Variants in SLCO4C1 observed in about 807,000 individuals in gnomAD.
SLCO4C1 encodes the protein solute carrier organic anion transporter family member 4C1, also known as organic anion transporter M1.
SLCO4C1 carries 58 observed loss-of-function variants against 72.1 expected under a neutral mutation model. The ratio of observed to expected loss-of-function variants is 0.80; its 90% CI spans 0.65 to 1.00. The LOEUF is 1.00. SLCO4C1 is among the 50% of genes least tolerant of loss of function. The pLI is 0.00. For synonymous variants in SLCO4C1, 297 were observed against 312.5 expected, an observed-to-expected ratio of 0.95 and a Z score of 0.52; for missense variants, 898 against 857.9, an observed-to-expected ratio of 1.05 and a Z score of -0.58.
At chr5:102,263,818 T>C in intron 3 of SLCO4C1, 38 bp from the exon 4 acceptor site, 1 of 1,486,344 alleles carries the variant, frequency 6.7e-7, no homozygotes, top group Middle Eastern at 1.7e-4. Context: ...CAGTCATATG[T>C]ACAACTTCAC....
chr5:102,295,927 G>A lies in SLCO4C1; in HGVS notation c.336C>T (p.Cys112=), dbSNP rs756897715. The change falls in exon 1 of 13, where the codon TGC becomes TGT. Residue 112 remains cysteine (C), a synonymous_variant. Transcript: ENST00000310954. ...NTPGGFLLHY[C]LLAVTQGIVV... ...CTTTACCTTGCGTGACGGCCAAGAGGCAGTAGTGAAGCAGAAAGCCTCCAG... is the reference window on the plus strand; with the variant it reads ...CTTTACCTTGCGTGACGGCCAAGAGACAGTAGTGAAGCAGAAAGCCTCCAG... 1.2e-5 allele frequency: 19 copies of A among 1,613,860 alleles called. No homozygotes were observed. The South Asian group carries it at 1.8e-4, about 15-fold the overall frequency.
In SLCO4C1 at chr5:102,252,853, A is replaced by G. The variant is rs148019276; in HGVS notation, c.1470-3065T>C. 2.9e-3 allele frequency among the ~76,000 whole-genome samples: 434 copies of G among 152,276 alleles called. 3 individuals carry two copies. Among genetic ancestry groups the G allele is most frequent in the African/African-American group, 9.8e-3 (409 of 41,586 alleles). ...TATTAAATTTTCTTAGTGTATACAT[A>G]TTTAAAAATATTAAAATATCCTATT... is the stretch of plus-strand genomic sequence containing the variant. On this transcript the variant is annotated intron_variant, in intron 8 of 12. Coordinates refer to ENST00000310954, the MANE Select transcript of SLCO4C1 (RefSeq NM_180991.5).
chr5:102,288,611 A>G (rs1034665181), intron 2 of SLCO4C1, among the ~76,000 whole-genome samples: 2 of 152,168 alleles, frequency 1.3e-5, no homozygotes, highest in Non-Finnish European at 2.9e-5. Context: ...TTTCAAGCAC[A>G]ATCTAAATGC....
chr5:102,291,244 C>A, intron 2 of SLCO4C1, 99 bp downstream of exon 2: 1 of 1,275,790 alleles, frequency 7.8e-7, no homozygotes, highest in Non-Finnish European at 1.1e-6. Flanking sequence ...AGATGTAAAC[C>A]CTTACCATAC....
At position 102,247,241 on chromosome 5, in the gene SLCO4C1, G is replaced by T. The variant is rs376009873; in HGVS notation, c.1811+11C>A. 50 of 1,471,038 alleles carry T rather than the reference G, an allele frequency of 3.4e-5. No individual in the cohort carries two copies. The highest frequency in any genetic ancestry group is 4.3e-5 in the Non-Finnish European group (47 of 1,099,504). 91.1% of individuals were successfully genotyped at this position (1,471,038 alleles called of 1,614,324 possible). On this transcript the variant is annotated intron_variant, in intron 10 of 12. Coordinates refer to ENST00000310954, the MANE Select transcript of SLCO4C1 (RefSeq NM_180991.5). ...CCTTAGGGAATGAAAATTTCTCAAC[G>T]TGCTACATACCTTAGGATAGACACA...
chr5:102,278,573 A>T (rs1396684938), intron 2 of SLCO4C1, among the ~76,000 whole-genome samples: 1 of 152,226 alleles, frequency 6.6e-6, no homozygotes, highest in Non-Finnish European at 1.5e-5. Flanking sequence ...GCCAAGGCAG[A>T]TCACATCCTG....
chr5:102,280,338 C>T (rs1332191028), intron 2 of SLCO4C1, among the ~76,000 whole-genome samples: 3 of 151,570 alleles, frequency 2.0e-5, no homozygotes, highest in Non-Finnish European at 4.4e-5. Context: ...ATTTAAAATA[C>T]AGTACTATTT....
chr5:102,278,740 T>C (rs1285414001), intron 2 of SLCO4C1, among the ~76,000 whole-genome samples: 1 of 151,908 alleles, frequency 6.6e-6, no homozygotes, highest in East Asian at 1.9e-4. Flanking sequence ...CACTTTCAAA[T>C]AATCTATGGG....
intron 2 of SLCO4C1, among the ~76,000 whole-genome samples, chr5:102,283,490 C>T (rs1427941761): frequency 3.3e-5 from 5 of 151,104 alleles, no homozygotes; most frequent in Admixed American, 3.3e-4. Flanking sequence ...TTAAAACACA[C>T]ACTGGCAAAT....
chr5:102,239,392 A>G lies in SLCO4C1; in HGVS notation c.1877-4T>C, dbSNP rs1283883380. On this transcript the variant is annotated splice_polypyrimidine_tract_variant and splice_region_variant and intron_variant, in intron 11 of 12. Coordinates refer to ENST00000310954, the MANE Select transcript of SLCO4C1 (RefSeq NM_180991.5). ...ATAATTGGTCCAGGAATTGTCCCTAAAAGAATTATGGGTGAAATATACAAC... is the reference window on the plus strand; with the variant it reads ...ATAATTGGTCCAGGAATTGTCCCTAGAAGAATTATGGGTGAAATATACAAC... 7.7e-6 allele frequency: 12 copies of G among 1,560,660 alleles called. No homozygotes were observed. Among genetic ancestry groups the G allele is most frequent in the Non-Finnish European group, 1.0e-5 (12 of 1,155,032 alleles).
intron 8 of SLCO4C1, among the ~76,000 whole-genome samples, chr5:102,254,188 G>A (rs2112351594): frequency 6.6e-6 from 1 of 152,224 alleles, no homozygotes; most frequent in East Asian, 1.9e-4. Context: ...TATTTCTTGA[G>A]CTTCTTAGTC....
chr5:102,292,599 T>C (rs371759107), intron 1 of SLCO4C1, among the ~76,000 whole-genome samples: 1 of 151,796 alleles, frequency 6.6e-6, no homozygotes, highest in African/African-American at 2.4e-5. Context: ...TAAACATAAG[T>C]CTTTCAACCA....
At chr5:102,249,563 T>C in intron 9 of SLCO4C1, 75 bp downstream of exon 9, 1 of 1,516,266 alleles carries the variant, frequency 6.6e-7, no homozygotes, top group Non-Finnish European at 9.1e-7. Context: ...AGGCATTGCA[T>C]AACCCCATTA....
intron 8 of SLCO4C1, among the ~76,000 whole-genome samples, chr5:102,255,793 A>T (rs962326): frequency 3.3e-4 from 18 of 54,678 alleles, no homozygotes; most frequent in African/African-American, 9.6e-4. Flanking sequence ...AATTTTTTTT[A>T]ATCTCCCATT....
At chr5:102,241,444 C>T (rs779854063) in intron 10 of SLCO4C1, among the ~76,000 whole-genome samples, 1 of 151,786 alleles carries the variant, frequency 6.6e-6, no homozygotes, top group Non-Finnish European at 1.5e-5. Context: ...AAATCAGCTG[C>T]ACTTCTATAC....
intron 8 of SLCO4C1, among the ~76,000 whole-genome samples, chr5:102,256,741 A>AT (rs1287333654): frequency 2.0e-5 from 3 of 152,156 alleles, no homozygotes; most frequent in Admixed American, 1.3e-4. Flanking sequence ...TAATAAGATA[A>AT]TTTTTATCAT....
intron 3 of SLCO4C1, among the ~76,000 whole-genome samples, chr5:102,265,179 T>C (rs1439005413): frequency 6.6e-6 from 1 of 152,128 alleles, no homozygotes; most frequent in Non-Finnish European, 1.5e-5. Flanking sequence ...GACATTTTGC[T>C]GTTGAGTTGT....
At chr5:102,250,895 G>A (rs752614029) in intron 8 of SLCO4C1, among the ~76,000 whole-genome samples, 1 of 152,024 alleles carries the variant, frequency 6.6e-6, no homozygotes, top group Non-Finnish European at 1.5e-5. Flanking sequence ...GCTGAGGCAG[G>A]AGAATCTCTT....
intron 2 of SLCO4C1, among the ~76,000 whole-genome samples, chr5:102,280,236 C>A (rs1045374231): frequency 6.6e-6 from 1 of 150,680 alleles, no homozygotes; most frequent in African/African-American, 2.4e-5. Context: ...TATCAAGAAC[C>A]AATTAATTCA....
Sources: gnomAD v4.1 joint callset for allele counts (sites outside exome capture counted in the v4.1 genomes callset) on GRCh38, gnomAD v4.1.1 for gene constraint, MANE v1.5 for transcripts, NCBI Gene and HGNC (gene_info 2026-07-23, HGNC 2026-07-21) for gene names.